The following APBA2 variants were observed in gnomAD, a reference collection of about 807,000 sequenced individuals.
The protein encoded by APBA2 is amyloid-beta A4 precursor protein-binding family A member 2.
In APBA2, 30 loss-of-function variants were observed where a neutral mutation model predicts 75.0. That is an observed-to-expected ratio of 0.40 (90% CI 0.30 to 0.54). The LOEUF (loss-of-function observed/expected upper bound fraction) is 0.54. Among genes scored for constraint, APBA2 ranks in the 20% least tolerant of loss-of-function variants. APBA2 has a pLI of 0.49. For synonymous variants in APBA2, 444 were observed against 409.6 expected, an observed-to-expected ratio of 1.08 and a Z score of -1.01; for missense variants, 801 against 1,016.1, an observed-to-expected ratio of 0.79 and a Z score of 2.88.
intron 1 of APBA2, among the ~76,000 whole-genome samples, chr15:28,899,925 G>C (rs1038452406): frequency 1.3e-5 from 2 of 152,240 alleles, no homozygotes; most frequent in Non-Finnish European, 2.9e-5. Flanking sequence ...CCCCCAAGAT[G>C]CTTTGCGACA....
intron 3 of APBA2, among the ~76,000 whole-genome samples, chr15:29,027,850 C>T (rs2040300155): frequency 6.6e-6 from 1 of 152,142 alleles, no homozygotes; most frequent in South Asian, 2.1e-4. Flanking sequence ...ATCCGCCCAC[C>T]TTGAAGCCTC....
Position 28,912,902 on chromosome 15 carries a change from C to A in APBA2, c.-204-8738C>A, listed in dbSNP as rs184871654. On this transcript the variant is annotated intron_variant, in intron 1 of 14. Transcript: ENST00000683413. ...AAAGGTTCTAAAGACATCCATTGAT[C>A]CATTCATTCATCATTCAGCAAATAC... Among the ~76,000 whole-genome samples, 5 of 152,362 alleles carry A rather than the reference C, an allele frequency of 3.3e-5. No individual in the cohort carries two copies. The East Asian group carries it at 9.6e-4, about 29-fold the overall frequency.
intron 13 of APBA2, among the ~76,000 whole-genome samples, chr15:29,111,341 C>T (rs2044718933): frequency 6.6e-6 from 1 of 152,022 alleles, no homozygotes; most frequent in Non-Finnish European, 1.5e-5. Context: ...GAAATGGGGT[C>T]CCACTTCCTT....
intron 3 of APBA2, among the ~76,000 whole-genome samples, chr15:29,004,194 A>AT (rs1318004096): frequency 1.3e-5 from 2 of 152,174 alleles, no homozygotes; most frequent in Non-Finnish European, 2.9e-5. Flanking sequence ...TCTAAAAGCC[A>AT]AGTTCTAGAT....
In APBA2 at chr15:29,076,043, A is replaced by G; in HGVS notation, c.1033-12A>G. On this transcript the variant is annotated splice_polypyrimidine_tract_variant and intron_variant, in intron 5 of 14. Transcript: ENST00000683413. The stretch of plus-strand genomic sequence containing the variant: ...ATTGTTATGTGTTTTATTTTTCCAT[A>G]TTTCCTAACAGACAAAGAAGGTGGC... 2 of 1,613,716 alleles carry G rather than the reference A, an allele frequency of 1.2e-6. No homozygotes were observed. The highest frequency in any genetic ancestry group is 8.5e-7 in the Non-Finnish European group (1 of 1,179,680).
intron 2 of APBA2, among the ~76,000 whole-genome samples, chr15:28,952,236 G>T (rs899516783): frequency 1.2e-4 from 19 of 152,102 alleles, no homozygotes; most frequent in African/African-American, 4.6e-4. Context: ...AAGGCTTAAA[G>T]AATATTTTCC....
intron 3 of APBA2, among the ~76,000 whole-genome samples, chr15:29,039,101 GTGTGTGTGT>G (rs1566934691): frequency 3.8e-4 from 11 of 28,682 alleles, no homozygotes; most frequent in East Asian, 6.9e-3. Flanking sequence ...ATGTCAGGGT[GTGTGTGTGT>G]GTGTGTGTGT....
rs564811236 is a variant in APBA2 at position 28,995,153 on chromosome 15, G to A, written c.-94-600G>A. 2.6e-5 allele frequency among the ~76,000 whole-genome samples: 4 copies of A among 152,256 alleles called. No homozygotes were observed. The South Asian group carries it at 8.3e-4, about 32-fold the overall frequency. On this transcript the variant is annotated intron_variant, in intron 2 of 14. Coordinates refer to ENST00000683413, the MANE Select transcript of APBA2 (RefSeq NM_001353788.2). ...GGCCTTGAAACCCCCGAGCCTGCTG[G>A]CAGTAGCTTCCTCTTCAGCCTTCCT...
intron 6 of APBA2, 49 bp downstream of exon 6, chr15:29,076,140 C>T (rs141169179): frequency 6.3e-7 from 1 of 1,587,328 alleles, no homozygotes; most frequent in Non-Finnish European, 8.7e-7. Context: ...CATTTTACAT[C>T]AAAATAAATG....
At chr15:29,002,922 T>C (rs1231751928) in intron 3 of APBA2, among the ~76,000 whole-genome samples, 3 of 152,002 alleles carry the variant, frequency 2.0e-5, no homozygotes, top group African/African-American at 4.8e-5. Flanking sequence ...GAAGGATGAA[T>C]ATACATTTCT....
chr15:28,927,499 T>C (rs900418230), intron 2 of APBA2, among the ~76,000 whole-genome samples: 1 of 152,158 alleles, frequency 6.6e-6, no homozygotes, highest in Admixed American at 6.5e-5. Flanking sequence ...TCCCTTTTGG[T>C]ATTCCAGTTA....
At chr15:29,092,012 T>C (rs1373709879) in intron 6 of APBA2, among the ~76,000 whole-genome samples, 2 of 152,190 alleles carry the variant, frequency 1.3e-5, no homozygotes, top group Non-Finnish European at 2.9e-5. Context: ...AACATGGGTC[T>C]GAGAGGACAG....
In APBA2 at chr15:29,117,341, A is replaced by C. The variant is rs2152990749; in HGVS notation, c.*208A>C. On this transcript the variant is annotated 3_prime_UTR_variant, in exon 15 of 15. Transcript: ENST00000683413. ...TTATCAAAGGAGAGTCACAGAACAA[A>C]TGTTTGTTTGTAAAGCGTTCCAAGT... 6.7e-6 allele frequency: 4 copies of C among 601,348 alleles called. No homozygotes were observed. Among genetic ancestry groups the C allele is most frequent in the South Asian group, 5.9e-5 (3 of 51,028 alleles). The allele number at this position is 601,348 out of a possible 1,614,324, so 37.3% of individuals were successfully genotyped here.
At chr15:28,940,555 A>AAAAAAAAAG in intron 2 of APBA2, among the ~76,000 whole-genome samples, 1 of 150,682 alleles carries the variant, frequency 6.6e-6, no homozygotes, top group African/African-American at 2.4e-5. Context: ...TCTGTATCAA[A>AAAAAAAAAG]AAAAAAGAAA....
intron 1 of APBA2, among the ~76,000 whole-genome samples, chr15:28,915,366 C>T (rs1407046161): frequency 1.4e-5 from 2 of 147,242 alleles, no homozygotes; most frequent in Non-Finnish European, 3.0e-5. Flanking sequence ...ATACCACACA[C>T]ACCTCACACA....
chr15:29,113,789 C>T, intron 13 of APBA2, 87 bp from the exon 14 acceptor site: 2 of 1,562,320 alleles, frequency 1.3e-6, no homozygotes, highest in African/African-American at 1.3e-5. Context: ...GCGCTTTTCC[C>T]TCTGCATGTC....
chr15:29,117,985 G>T lies in APBA2; in HGVS notation c.*852G>T, dbSNP rs551686354. The T allele has an allele frequency of 6.6e-6, 1 of 152,584 alleles. No homozygotes were observed. The highest frequency in any genetic ancestry group is 2.1e-4 in the South Asian group (1 of 4,824). 9.5% of individuals were successfully genotyped at this position (152,584 alleles called of 1,614,324 possible). On this transcript the variant is annotated 3_prime_UTR_variant, in exon 15 of 15. Coordinates refer to ENST00000683413, the MANE Select transcript of APBA2 (RefSeq NM_001353788.2). ...AAACGAAACCCACTCTAGAAAACGC[G>T]ACCTTGGCCGCACCTAAAGCAGCCA... is the stretch of plus-strand genomic sequence containing the variant.
At chr15:29,096,782 G>C (rs771364705) in intron 8 of APBA2, among the ~76,000 whole-genome samples, 4 of 152,302 alleles carry the variant, frequency 2.6e-5, no homozygotes, top group Middle Eastern at 3.4e-3. Context: ...TTGCTGTTTC[G>C]AAATGGAAAA....
chr15:28,901,032 C>T (rs1031393223), intron 1 of APBA2, among the ~76,000 whole-genome samples: 9 of 152,154 alleles, frequency 5.9e-5, no homozygotes, highest in Admixed American at 5.2e-4. Context: ...CTCCACACCC[C>T]GTCCCATGTC....
Sources: gnomAD v4.1 joint callset for allele counts (sites outside exome capture counted in the v4.1 genomes callset) on GRCh38, gnomAD v4.1.1 for gene constraint, MANE v1.5 for transcripts, NCBI Gene and HGNC (gene_info 2026-07-23, HGNC 2026-07-21) for gene names.